The following HEMK2 variants were observed in gnomAD, a reference collection of about 807,000 sequenced individuals.
HEMK2 encodes the protein methyltransferase HEMK2.
chr21:28,831,724 AAGGAAGGAAG>A, the HEMK2 span, among the ~76,000 whole-genome samples: 2 of 138,790 alleles, frequency 1.4e-5, no homozygotes, highest in African/African-American at 5.6e-5. Context: ...GGAAGGAAGG[AAGGAAGGAAG>A]GAAAGAAAGA....
chr21:28,832,156 C>T, the HEMK2 span, among the ~76,000 whole-genome samples: 3 of 152,196 alleles, frequency 2.0e-5, no homozygotes, highest in Non-Finnish European at 4.4e-5. Flanking sequence ...TCCCTGGAGT[C>T]ACTCTGCCTT....
At chr21:28,726,301 T>C in the HEMK2 span, among the ~76,000 whole-genome samples, 1 of 151,998 alleles carries the variant, frequency 6.6e-6, no homozygotes, top group African/African-American at 2.4e-5. Flanking sequence ...AATACAAATA[T>C]ATTTTAAATA....
chr21:28,627,931 T>C, the HEMK2 span, among the ~76,000 whole-genome samples: 1 of 152,112 alleles, frequency 6.6e-6, no homozygotes, highest in Admixed American at 6.5e-5. Context: ...ACTACTTCAT[T>C]TGCATGGGGA....
At chr21:28,879,080 C>CT in the HEMK2 span, among the ~76,000 whole-genome samples, 1,205 of 98,622 alleles carry the variant, frequency 0.012, 51 homozygotes, top group African/African-American at 0.038. Context: ...TAGATTGTTT[C>CT]TTTTTTTTTT....
chr21:28,621,124 T>C, the HEMK2 span, among the ~76,000 whole-genome samples: 41 of 152,282 alleles, frequency 2.7e-4, no homozygotes, highest in South Asian at 6.2e-3. Flanking sequence ...ATTTGTTTTC[T>C]CTTGCTTCTC....
chr21:28,726,284 T>A, the HEMK2 span, among the ~76,000 whole-genome samples: 1 of 151,940 alleles, frequency 6.6e-6, no homozygotes, highest in African/African-American at 2.4e-5. Context: ...TCACAACTGA[T>A]CAAAACAATA....
chr21:28,816,969 AC>A, the HEMK2 span, among the ~76,000 whole-genome samples: 3 of 152,222 alleles, frequency 2.0e-5, no homozygotes, highest in Non-Finnish European at 4.4e-5. Context: ...ATTCAAATGG[AC>A]CATTATATGT....
chr21:28,760,592 T>C, the HEMK2 span, among the ~76,000 whole-genome samples: 1 of 152,196 alleles, frequency 6.6e-6, no homozygotes. Flanking sequence ...CAATATCACA[T>C]ATAGCATTAA....
At chr21:28,798,766 A>T in the HEMK2 span, among the ~76,000 whole-genome samples, 1 of 152,210 alleles carries the variant, frequency 6.6e-6, no homozygotes, top group East Asian at 1.9e-4. Flanking sequence ...TAATACAGCT[A>T]ATACAACTCC....
the HEMK2 span, among the ~76,000 whole-genome samples, chr21:28,848,109 T>C: frequency 1.3e-5 from 2 of 152,218 alleles, no homozygotes; most frequent in Non-Finnish European, 2.9e-5. Flanking sequence ...TTCGAGCTCT[T>C]TTTTGGTTCC....
At chr21:28,845,553 A>C in the HEMK2 span, among the ~76,000 whole-genome samples, 1 of 152,038 alleles carries the variant, frequency 6.6e-6, no homozygotes. Flanking sequence ...ATTTCTATTC[A>C]ATGTGATATG....
chr21:28,587,460 T>C, the HEMK2 span, among the ~76,000 whole-genome samples: 1 of 152,208 alleles, frequency 6.6e-6, no homozygotes, highest in Non-Finnish European at 1.5e-5. Context: ...ACAGAAAGTA[T>C]GTGAAATTAC....
At chr21:28,771,426 T>A in the HEMK2 span, among the ~76,000 whole-genome samples, 2 of 151,912 alleles carry the variant, frequency 1.3e-5, no homozygotes, top group Admixed American at 1.3e-4. Flanking sequence ...CCCAGAGACA[T>A]GTTTGGTTGT....
chr21:28,731,422 ATAC>A, the HEMK2 span, among the ~76,000 whole-genome samples: 1 of 152,200 alleles, frequency 6.6e-6, no homozygotes, highest in Non-Finnish European at 1.5e-5. Context: ...GAAGACATTT[ATAC>A]TTGCCCATGA....
At chr21:28,701,565 C>T in the HEMK2 span, among the ~76,000 whole-genome samples, 1 of 144,264 alleles carries the variant, frequency 6.9e-6, no homozygotes, top group Non-Finnish European at 1.5e-5. Context: ...CACATACACA[C>T]ACACACACAC....
chr21:28,696,476 G>A, the HEMK2 span, among the ~76,000 whole-genome samples: 12 of 152,174 alleles, frequency 7.9e-5, no homozygotes, highest in Non-Finnish European at 1.5e-4. Context: ...CCATGGTCTC[G>A]GGTAGCTCTG....
chr21:28,701,546 CCACACACACACATACA>C, the HEMK2 span, among the ~76,000 whole-genome samples: 2,514 of 119,930 alleles, frequency 0.021, 72 homozygotes, highest in African/African-American at 0.083. Context: ...TTCACAATAG[CCACACACACACATACA>C]CACACACACA....
chr21:28,671,712 A>G, the HEMK2 span, among the ~76,000 whole-genome samples: 1 of 152,182 alleles, frequency 6.6e-6, no homozygotes, highest in Non-Finnish European at 1.5e-5. Flanking sequence ...CAGGGATATC[A>G]TCATTCCATA....
chr21:28,857,507 T>C, the HEMK2 span, among the ~76,000 whole-genome samples: 2 of 152,282 alleles, frequency 1.3e-5, no homozygotes, highest in East Asian at 3.9e-4. Flanking sequence ...GAGAAATAAT[T>C]TGTCTCTCAT....
Sources: gnomAD v4.1 joint callset for allele counts (sites outside exome capture counted in the v4.1 genomes callset) on GRCh38, gnomAD v4.1.1 for gene constraint, MANE v1.5 for transcripts, NCBI Gene and HGNC (gene_info 2026-07-23, HGNC 2026-07-21) for gene names.